The following RPUSD2 variants were observed in gnomAD, a reference collection of about 807,000 sequenced individuals.
RPUSD2 encodes RNA pseudouridine synthase domain containing 2, also known as pseudouridylate synthase RPUSD2.
RPUSD2 carries 31 observed loss-of-function variants against 41.5 expected under a neutral mutation model. The observed-to-expected ratio is 0.75, with a 90% CI of 0.56 to 1.01. The LOEUF is 1.01. RPUSD2 is among the 50% of genes least tolerant of loss of function. The pLI is 0.00. For synonymous variants in RPUSD2, 305 were observed against 289.7 expected (o/e 1.05, Z -0.54); for missense variants, 749 against 724.7 (o/e 1.03, Z -0.38).
At position 40,573,499 on chromosome 15, in the gene RPUSD2, G is replaced by T; in HGVS notation, c.904-28G>T. 3 of 1,588,036 alleles carry T rather than the reference G, an allele frequency of 1.9e-6. No individual in the cohort carries two copies. In the South Asian group the frequency reaches 3.5e-5, roughly 19 times the overall value. On this transcript the variant is annotated intron_variant, in intron 2 of 2. Coordinates refer to ENST00000315616, the MANE Select transcript of RPUSD2 (RefSeq NM_152260.3). Reference sequence around the variant, plus strand: ...ACTCCATGAATTTAGGCTTTGTACTGACTTTCTCCCTCTTCCCTCCTATGT... The same window carrying T: ...ACTCCATGAATTTAGGCTTTGTACTTACTTTCTCCCTCTTCCCTCCTATGT...
chr15:40,570,027 G>A, intron 1 of RPUSD2, 84 bp downstream of exon 1: 1 of 754,766 alleles, frequency 1.3e-6, no homozygotes, highest in Non-Finnish European at 1.8e-6. Flanking sequence ...TTTAGTCTTA[G>A]TAAAGCATAG....
chr15:40,569,600 A>T lies in RPUSD2; in HGVS notation c.263A>T (p.His88Leu), dbSNP rs762197137. 2 of 1,533,054 alleles carry T rather than the reference A, an allele frequency of 1.3e-6. No homozygotes were observed. Among genetic ancestry groups the T allele is most frequent in the Admixed American group, 4.0e-5 (2 of 50,224 alleles). The allele number at this position is 1,533,054 out of a possible 1,614,324, so 95.0% of individuals were successfully genotyped here. A position where few individuals can be genotyped will look rare whatever the true frequency, so the allele number is the denominator to read the frequency against. Reference sequence around the variant, plus strand: ...GAGCCGGCCCCAGTAGGCGGGGAGCATCCCTCGGCTGCAGCCCCAGGCCCG... The same window carrying T: ...GAGCCGGCCCCAGTAGGCGGGGAGCTTCCCTCGGCTGCAGCCCCAGGCCCG... ...EVEPAPVGGEHPSAAAPGPGK... is the reference protein window; with the variant it reads ...EVEPAPVGGELPSAAAPGPGK... The change falls in exon 1 of 3, where the codon CAT becomes CTT. Residue 88 changes from histidine (H) to leucine (L), a missense_variant. His to Leu is a moderately conservative substitution (Grantham distance 99). Coordinates refer to ENST00000315616, the MANE Select transcript of RPUSD2 (RefSeq NM_152260.3).
chr15:40,571,543 T>C (rs1891138622), intron 1 of RPUSD2, 61 bp from the exon 2 acceptor site: 3 of 1,489,462 alleles, frequency 2.0e-6, no homozygotes, highest in Non-Finnish European at 2.8e-6. Flanking sequence ...AAGCTGGATA[T>C]GAAGTTGACT....
At position 40,573,630 on chromosome 15, in the gene RPUSD2, G is replaced by T. The variant is rs762712091; in HGVS notation, c.1007G>T (p.Arg336Leu). 1 of 1,614,170 alleles carries T rather than the reference G, an allele frequency of 6.2e-7. No individual in the cohort carries two copies. The change falls in exon 3 of 3, where the codon CGT becomes CTT. Residue 336 changes from arginine (R) to leucine (L), a missense_variant. By Grantham distance (102) the Arg-to-Leu change is moderately radical. Coordinates refer to ENST00000315616, the MANE Select transcript of RPUSD2 (RefSeq NM_152260.3). ...LVVSYKVGVC[R>L]VDPRGKPCET... ...GTGTCTTACAAAGTAGGGGTGTGCC[G>T]TGTAGATCCCCGGGGCAAGCCCTGT...
chr15:40,569,452 G>C lies in RPUSD2; in HGVS notation c.115G>C (p.Val39Leu). 3.2e-6 allele frequency: 5 copies of C among 1,572,828 alleles called. No individual in the cohort carries two copies. Among genetic ancestry groups the C allele is most frequent in the Non-Finnish European group, 4.3e-6 (5 of 1,163,826 alleles). Residue 39 changes from valine to leucine, a missense_variant, in exon 1 of 3, where the codon GTG becomes CTG. Coordinates refer to ENST00000315616, the MANE Select transcript of RPUSD2 (RefSeq NM_152260.3). ...SGDKGPMAET[V>L]STQVGTEGGL... Reference sequence around the variant, plus strand: ...CGATAAGGGCCCAATGGCAGAAACAGTGTCTACCCAGGTTGGGACAGAGGG... The same window carrying C: ...CGATAAGGGCCCAATGGCAGAAACACTGTCTACCCAGGTTGGGACAGAGGG...
chr15:40,573,860 C>T lies in RPUSD2; in HGVS notation c.1237C>T (p.Arg413Trp), dbSNP rs572083178. 180 of 1,614,128 alleles carry T rather than the reference C, an allele frequency of 1.1e-4. 3 individuals carry two copies. In the South Asian group the frequency reaches 1.7e-3, roughly 15 times the overall value. The stretch of plus-strand genomic sequence containing the variant: ...TCCCAAGACAAACGAGGAGTTGCTA[C>T]GGGACCTGGTAGCAGAGCACCAGGC... ...YIPKTNEELL[R>W]DLVAEHQAKQ... is the part of the protein sequence containing the mutation. The change falls in exon 3 of 3, where the codon CGG (arginine) becomes TGG (tryptophan). Residue 413 changes from arginine to tryptophan, a missense_variant. By Grantham distance (101) the Arg-to-Trp change is moderately radical. Transcript: ENST00000315616.
chr15:40,572,017 C>T, intron 2 of RPUSD2, 117 bp downstream of exon 2: 5 of 1,064,562 alleles, frequency 4.7e-6, no homozygotes, highest in Non-Finnish European at 5.4e-6. Context: ...ATCCTTCCTA[C>T]CTTCCTACCT....
rs1337946590 is a variant in RPUSD2 at position 40,573,945 on chromosome 15, A to G, written c.1322A>G (p.Asp441Gly). ...GGTGACCTGTCCCCAGGACTCACAG[A>G]CTCTACGGCCCCCTCCTCAGAGTTG... ...CEGDLSPGLT[D>G]STAPSSELGK... Residue 441 changes from aspartate (D) to glycine (G), a missense_variant, in exon 3 of 3, where the codon GAC becomes GGC. By Grantham distance (94) the Asp-to-Gly change is moderately conservative. Coordinates refer to ENST00000315616, the MANE Select transcript of RPUSD2 (RefSeq NM_152260.3). The G allele has an allele frequency of 1.2e-6, 2 of 1,613,784 alleles. No individual in the cohort carries two copies. Among genetic ancestry groups the G allele is most frequent in the African/African-American group, 2.7e-5 (2 of 74,798 alleles).
At chr15:40,571,466 T>C (rs1375669377) in intron 1 of RPUSD2, 138 bp from the exon 2 acceptor site, 8 of 756,688 alleles carry the variant, frequency 1.1e-5, no homozygotes, top group Admixed American at 2.5e-5. Context: ...GAGATCACAC[T>C]CTGCACACTG....
At chr15:40,571,119 A>G (rs7162522) in intron 1 of RPUSD2, among the ~76,000 whole-genome samples, 5,061 of 152,022 alleles carry the variant, frequency 0.033, 275 homozygotes, top group African/African-American at 0.12. Context: ...CAGTCTCCCA[A>G]GTAGCTGGGA....
Position 40,569,362 on chromosome 15 carries a change from C to A in RPUSD2, c.25C>A (p.Leu9Ile). The A allele has an allele frequency of 6.7e-7, 1 of 1,501,408 alleles. No homozygotes were observed. The allele number at this position is 1,501,408 out of a possible 1,614,324, so 93.0% of individuals were successfully genotyped here. Reference sequence around the variant, plus strand: ...TATGTGGCTGGACCGCCGCGGATGGCTCAGGGTTCTTGGACATTGGCGCTA... The same window carrying A: ...TATGTGGCTGGACCGCCGCGGATGGATCAGGGTTCTTGGACATTGGCGCTA... MWLDRRGW[L>I]RVLGHWRYDL... The change falls in exon 1 of 3, where the codon CTC becomes ATC. Residue 9 changes from leucine (L) to isoleucine (I), a missense_variant. By Grantham distance (5) the Leu-to-Ile change is conservative. Transcript: ENST00000315616.
chr15:40,571,326 A>AT (rs1386557428), intron 1 of RPUSD2, among the ~76,000 whole-genome samples: 2 of 152,368 alleles, frequency 1.3e-5, no homozygotes, highest in East Asian at 3.9e-4. Flanking sequence ...AGAAAATACA[A>AT]TTAGCAAAGC....
rs971795266 is a variant in RPUSD2, at chr15:40,569,456, C to G, written c.119C>G (p.Ser40Cys). 3.8e-6 allele frequency: 6 copies of G among 1,573,268 alleles called. No individual in the cohort carries two copies. Among genetic ancestry groups the G allele is most frequent in the Non-Finnish European group, 5.2e-6 (6 of 1,164,026 alleles). The change falls in exon 1 of 3, where the codon TCT becomes TGT. Residue 40 changes from serine to cysteine, a missense_variant. By Grantham distance (112) the Ser-to-Cys change is moderately radical. Coordinates refer to ENST00000315616, the MANE Select transcript of RPUSD2 (RefSeq NM_152260.3). ...AAGGGCCCAATGGCAGAAACAGTGT[C>G]TACCCAGGTTGGGACAGAGGGCGGG... is the stretch of plus-strand genomic sequence containing the variant. ...GDKGPMAETV[S>C]TQVGTEGGLR...
chr15:40,572,519 C>T (rs146172538), intron 2 of RPUSD2, among the ~76,000 whole-genome samples: 2,176 of 150,296 alleles, frequency 0.014, 55 homozygotes, highest in African/African-American at 0.046. Flanking sequence ...TGAGCCGAAT[C>T]GCGCCACCGC....
chr15:40,571,841 A>G lies in RPUSD2; in HGVS notation c.844A>G (p.Met282Val), dbSNP rs746771957. Residue 282 changes from methionine (M) to valine (V), a missense_variant, in exon 2 of 3, where the codon ATG (methionine) becomes GTG (valine). Transcript: ENST00000315616. ...TGACCGCCTTACCTCAGGGGTGCTT[A>G]TGTTTGCCAAGACAGCTGCAGTCTC... ...RLDRLTSGVLMFAKTAAVSER... is the reference protein window; with the variant it reads ...RLDRLTSGVLVFAKTAAVSER... 1.2e-6 allele frequency: 2 copies of G among 1,614,040 alleles called. No homozygotes were observed. The highest frequency in any genetic ancestry group is 1.7e-5 in the Admixed American group (1 of 60,000).
In RPUSD2 at chr15:40,574,103, G is replaced by A; in HGVS notation, c.1480G>A (p.Glu494Lys). Residue 494 changes from glutamate to lysine, a missense_variant, in exon 3 of 3, where the codon GAG becomes AAG. Transcript: ENST00000315616. ...AGTTGAAACAGATGTCATGAATCAA[G>A]AGACAGACCCACTCTGTGCAGAGTG... ...KAVETDVMNQ[E>K]TDPLCAECRL... 1.2e-6 allele frequency: 2 copies of A among 1,614,208 alleles called. No individual in the cohort carries two copies. Among genetic ancestry groups the A allele is most frequent in the Middle Eastern group, 1.6e-4 (1 of 6,062 alleles).
intron 2 of RPUSD2, 24 bp downstream of exon 2, chr15:40,571,924 C>A: frequency 6.2e-7 from 1 of 1,605,780 alleles, no homozygotes; most frequent in Non-Finnish European, 8.5e-7. Context: ...TTGTCTCCTA[C>A]AGGCCACTTC....
At chr15:40,573,161 A>T (rs1368823238) in intron 2 of RPUSD2, among the ~76,000 whole-genome samples, 1 of 150,966 alleles carries the variant, frequency 6.6e-6, no homozygotes, top group Non-Finnish European at 1.5e-5. Flanking sequence ...GGTAGCTGGG[A>T]TGACTGGCAT....
In RPUSD2 at chr15:40,569,917, G is replaced by C; in HGVS notation, c.580G>C (p.Val194Leu). 1 of 1,558,198 alleles carries C rather than the reference G, an allele frequency of 6.4e-7. No homozygotes were observed. Among genetic ancestry groups the C allele is most frequent in the Non-Finnish European group, 8.7e-7 (1 of 1,152,130 alleles). The change falls in exon 1 of 3, where the codon GTG (valine) becomes CTG (leucine). Residue 194 changes from valine (V) to leucine (L), a missense_variant. By Grantham distance (32) the Val-to-Leu change is conservative. Transcript: ENST00000315616. Reference protein sequence around the residue: ...AGRLQLNEKPVQDLNIVLKDN... With the variant: ...AGRLQLNEKPLQDLNIVLKDN... Reference sequence around the variant, plus strand: ...CCGCCTGCAACTCAACGAGAAGCCGGTGCAGGACCTCAACATCGTGCTCAA... The same window carrying C: ...CCGCCTGCAACTCAACGAGAAGCCGCTGCAGGACCTCAACATCGTGCTCAA...
Sources: allele counts gnomAD v4.1 joint callset (sites outside exome capture counted in the v4.1 genomes callset), GRCh38; gene constraint gnomAD v4.1.1; transcripts MANE v1.5; gene names NCBI Gene and HGNC (gene_info 2026-07-23, HGNC 2026-07-21).